The following DHX8 variants were observed in gnomAD, a reference collection of about 807,000 sequenced individuals.
The protein encoded by DHX8 is DEAH-box helicase 8.
Under a neutral mutation model 140.7 loss-of-function variants are expected in DHX8, and 67 were observed. The observed-to-expected ratio is 0.48, with a 90% confidence interval of 0.39 to 0.58. DHX8 has a LOEUF of 0.58. DHX8 is among the 20% of genes least tolerant of loss of function. The pLI is 0.00. For synonymous variants in DHX8, 533 were observed against 553.2 expected, an observed-to-expected ratio of 0.96 and a Z score of 0.51; for missense variants, 887 against 1,550.7, an observed-to-expected ratio of 0.57 and a Z score of 7.19.
intron 22 of DHX8, 111 bp from the exon 23 acceptor site, chr17:43,523,517 G>A (rs112858326): frequency 6.6e-7 from 1 of 1,512,084 alleles, no homozygotes; most frequent in Non-Finnish European, 8.9e-7. Flanking sequence ...TGTCAGGCAG[G>A]AGAGGTAATA....
chr17:43,489,608 T>A, intron 2 of DHX8, 74 bp downstream of exon 2: 1 of 1,190,422 alleles, frequency 8.4e-7, no homozygotes, highest in Non-Finnish European at 1.2e-6. Context: ...TTTTTTTTTT[T>A]GAGACAGAGT....
chr17:43,493,293 A>C (rs1014871482), intron 6 of DHX8, 152 bp from the exon 7 acceptor site: 10 of 1,142,236 alleles, frequency 8.8e-6, no homozygotes, highest in Non-Finnish European at 1.2e-5. Context: ...CCATGAGGAG[A>C]GTGTTAATAC....
intron 11 of DHX8, among the ~76,000 whole-genome samples, chr17:43,502,729 C>T (rs1416181315): frequency 1.3e-5 from 2 of 152,068 alleles, no homozygotes; most frequent in Admixed American, 6.5e-5. Context: ...TAGCCCTTGT[C>T]TCTATTTTAA....
intron 3 of DHX8, among the ~76,000 whole-genome samples, chr17:43,536,974 T>G (rs1190753270): frequency 1.3e-5 from 2 of 152,250 alleles, no homozygotes; most frequent in Non-Finnish European, 2.9e-5. Context: ...TGAAACAGCC[T>G]CGCCCCTCAG....
chr17:43,507,113 T>A lies in DHX8; in HGVS notation c.1839T>A (p.Ile613=). 1 of 1,614,122 alleles carries A rather than the reference T, an allele frequency of 6.2e-7. No individual in the cohort carries two copies. The highest frequency in any genetic ancestry group is 8.5e-7 in the Non-Finnish European group (1 of 1,180,032). ...CAGGCTACACTTCCAGGGGCAAGATTGGGTGTACCCAGCCCAGAAGAGTGG... is the reference window on the plus strand; with the variant it reads ...CAGGCTACACTTCCAGGGGCAAGATAGGGTGTACCCAGCCCAGAAGAGTGG... ...AEAGYTSRGK[I]GCTQPRRVAA... Residue 613 remains isoleucine (I), a synonymous_variant, in exon 13 of 23, where the codon ATT becomes ATA. Coordinates refer to ENST00000262415, the MANE Select transcript of DHX8 (RefSeq NM_004941.3).
intron 9 of DHX8, among the ~76,000 whole-genome samples, chr17:43,497,853 T>G (rs988051158): frequency 6.6e-6 from 1 of 152,244 alleles, no homozygotes; most frequent in Non-Finnish European, 1.5e-5. Context: ...TTTATACTTC[T>G]GCCATAAGTG....
At chr17:43,530,172 C>G, downstream of DHX8, 1 of 1,555,614 alleles carries the variant, frequency 6.4e-7, no homozygotes, top group Non-Finnish European at 8.7e-7. Flanking sequence ...TGATGCGCAC[C>G]CGGTGACATC....
At chr17:43,485,187 G>A (rs1968067499) in intron 1 of DHX8, among the ~76,000 whole-genome samples, 1 of 152,174 alleles carries the variant, frequency 6.6e-6, no homozygotes, top group Admixed American at 6.5e-5. Flanking sequence ...AGATTCAGAT[G>A]AGTTTAGAGA....
chr17:43,540,889 G>A (rs1320567908), intron 3 of DHX8, among the ~76,000 whole-genome samples: 1 of 151,874 alleles, frequency 6.6e-6, no homozygotes, highest in African/African-American at 2.4e-5. Flanking sequence ...CAGAACTCAG[G>A]GGTGGCTGAC....
At chr17:43,536,032 A>G (rs1042594727) in intron 2 of DHX8, among the ~76,000 whole-genome samples, 16 of 152,126 alleles carry the variant, frequency 1.1e-4, no homozygotes, top group African/African-American at 3.6e-4. Flanking sequence ...AATGGCTTAA[A>G]CCCGGGAGGC....
intron 17 of DHX8, among the ~76,000 whole-genome samples, chr17:43,514,169 C>CT (rs1252516055): frequency 3.3e-5 from 5 of 149,402 alleles, no homozygotes; most frequent in African/African-American, 1.3e-4. Context: ...TAGCAAGACT[C>CT]TGTCACTATA....
chr17:43,508,551 G>A, intron 16 of DHX8, 31 bp downstream of exon 16: 1 of 1,500,876 alleles, frequency 6.7e-7, no homozygotes, highest in Non-Finnish European at 9.2e-7. Context: ...GCTTCCATGT[G>A]CCCTGAAACC....
intron 12 of DHX8, among the ~76,000 whole-genome samples, chr17:43,506,161 T>G (rs575885079): frequency 6.6e-6 from 1 of 152,058 alleles, no homozygotes; most frequent in African/African-American, 2.4e-5. Context: ...TACACCATCA[T>G]GCTCAGCTAG....
chr17:43,532,856 T>C, intron 2 of DHX8: 1 of 1,613,304 alleles, frequency 6.2e-7, no homozygotes, highest in Non-Finnish European at 8.5e-7. Flanking sequence ...CAGCTGGTGT[T>C]GGTAGGGGGC....
chr17:43,512,700 ATTCCGGTGCC>A (rs1422154497), intron 16 of DHX8, among the ~76,000 whole-genome samples: 1 of 152,172 alleles, frequency 6.6e-6, no homozygotes, highest in Non-Finnish European at 1.5e-5. Flanking sequence ...GATGCGTGAT[ATTCCGGTGCC>A]CCCAGTGATG....
chr17:43,511,851 CAAAAA>C (rs1210970204), intron 16 of DHX8, among the ~76,000 whole-genome samples: 2 of 68,022 alleles, frequency 2.9e-5, no homozygotes, highest in Admixed American at 1.6e-4. Context: ...CCTATCTCTA[CAAAAA>C]AAAAAAAAAA....
intron 3 of DHX8, chr17:43,536,579 G>A (rs1231428061): frequency 1.8e-5 from 18 of 999,842 alleles, no homozygotes; most frequent in East Asian, 1.7e-4. Context: ...GCCAAGAAAG[G>A]ACCAACAGCC....
rs765080067 is a variant in DHX8 at position 43,492,716 on chromosome 17, G to A, written c.539G>A (p.Arg180Gln). The change falls in exon 6 of 23, where the codon CGA (arginine) becomes CAA (glutamine). Residue 180 changes from arginine to glutamine, a missense_variant. Physicochemically the swap from Arg to Gln is conservative, Grantham distance 43. Transcript: ENST00000262415. Reference protein sequence around the residue: ...RTKKKKRSRSRDRNRDRDRDR... With the variant: ...RTKKKKRSRSQDRNRDRDRDR... ...AAGAAGAAGAAGCGGAGTCGAAGCC[G>A]AGATCGAAACCGAGATCGAGACAGA... 22 of 1,607,944 alleles carry A rather than the reference G, an allele frequency of 1.4e-5. No individual in the cohort carries two copies. The Admixed American group carries it at 1.7e-4, about 12-fold the overall frequency.
chr17:43,506,910 T>C (rs1351932684), intron 12 of DHX8, 93 bp from the exon 13 acceptor site: 7 of 948,378 alleles, frequency 7.4e-6, no homozygotes, highest in Non-Finnish European at 9.1e-6. Flanking sequence ...CAGAGTAATG[T>C]AGATTTTAAT....
Sources: gnomAD v4.1 joint callset for allele counts (sites outside exome capture counted in the v4.1 genomes callset) on GRCh38, gnomAD v4.1.1 for gene constraint, MANE v1.5 for transcripts, NCBI Gene and HGNC (gene_info 2026-07-23, HGNC 2026-07-21) for gene names.